ELP4: variants seen among roughly 807,000 people sequenced by gnomAD.
The protein encoded by ELP4 is elongator acetyltransferase complex subunit 4, also known as elongator complex protein 4.
ELP4 carries 51 observed loss-of-function variants against 48.9 expected under a neutral mutation model. That is an observed-to-expected ratio of 1.04 (90% CI 0.83 to 1.32). The LOEUF is 1.32. Among genes scored for constraint, ELP4 ranks in the 40% most tolerant of loss-of-function variants. The pLI is 0.00. For missense variants in ELP4, 519 were observed against 514.6 expected (o/e 1.01, Z -0.08); for synonymous variants, 210 against 189.2 (o/e 1.11, Z -0.90).
At chr11:31,673,080 G>A (rs1017289563) in intron 9 of ELP4, among the ~76,000 whole-genome samples, 8 of 150,650 alleles carry the variant, frequency 5.3e-5, no homozygotes, top group Non-Finnish European at 1.2e-4. Context: ...GCAGTGGCAC[G>A]ATCTCAGCTC....
intron 9 of ELP4, among the ~76,000 whole-genome samples, chr11:31,725,931 T>A (rs930910866): frequency 6.6e-6 from 1 of 152,222 alleles, no homozygotes; most frequent in African/African-American, 2.4e-5. Flanking sequence ...GTCAAGTTCT[T>A]GAGAAATTCT....
intron 1 of ELP4, chr11:31,511,346 A>G (rs1022862958): frequency 6.6e-6 from 1 of 152,176 alleles, no homozygotes; most frequent in African/African-American, 2.4e-5. Flanking sequence ...TCAATGGGAT[A>G]TGTAACTTCA....
At chr11:31,736,390 T>A (rs1017799937) in intron 9 of ELP4, among the ~76,000 whole-genome samples, 5 of 152,058 alleles carry the variant, frequency 3.3e-5, no homozygotes. Flanking sequence ...AAAACCTAGG[T>A]AATACCATTC....
Position 31,569,096 on chromosome 11 carries a change from TAAAA to T in ELP4, c.382-25669_382-25666del, listed in dbSNP as rs1203133098. Among the ~76,000 whole-genome samples, 62 of 144,024 alleles carry T rather than the reference TAAAA, an allele frequency of 4.3e-4. 1 individual carries two copies. The highest frequency in any genetic ancestry group is 6.6e-4 in the Non-Finnish European group (43 of 65,064). 94.5% of individuals were successfully genotyped at this position (144,024 alleles called of 152,430 possible). ...TGAGACCCCATCTCAAAAAAAAAAATAAAAAAAAGGAAAGAAAAAAAACCTAAAT... is the reference window on the plus strand; with the variant it reads ...TGAGACCCCATCTCAAAAAAAAAAATAAAAGGAAAGAAAAAAAACCTAAAT... On this transcript the variant is annotated intron_variant, in intron 3 of 9. Coordinates refer to ENST00000640961, the MANE Select transcript of ELP4 (RefSeq NM_019040.5).
At chr11:31,673,056 A>C (rs1592211102) in intron 9 of ELP4, among the ~76,000 whole-genome samples, 1 of 151,682 alleles carries the variant, frequency 6.6e-6, no homozygotes, top group African/African-American at 2.4e-5. Context: ...TCCCTCTGTC[A>C]CCCAGGCTGG....
Position 31,659,551 on chromosome 11 carries a change from A to G in ELP4, c.1143+9330A>G, listed in dbSNP as rs554929858. ...TTATTGAAAACTTGTTTCAAATATT[A>G]TTGCTCAATATAAATGATATTTGGA... is the stretch of plus-strand genomic sequence containing the variant. On this transcript the variant is annotated intron_variant, in intron 9 of 9. Transcript: ENST00000640961. 5.9e-5 allele frequency among the ~76,000 whole-genome samples: 9 copies of G among 152,270 alleles called. No homozygotes were observed. The East Asian group carries it at 1.4e-3, about 23-fold the overall frequency.
intron 9 of ELP4, among the ~76,000 whole-genome samples, chr11:31,699,827 G>T (rs1321067793): frequency 6.6e-6 from 1 of 152,094 alleles, no homozygotes; most frequent in Non-Finnish European, 1.5e-5. Flanking sequence ...TATCATGTTA[G>T]TGGTTTCCCT....
chr11:31,639,879 A>G (rs1945055364), intron 7 of ELP4, among the ~76,000 whole-genome samples: 1 of 151,978 alleles, frequency 6.6e-6, no homozygotes, highest in African/African-American at 2.4e-5. Flanking sequence ...TCATACTGTT[A>G]TTCATTCTGT....
intron 9 of ELP4, among the ~76,000 whole-genome samples, chr11:31,761,155 G>A (rs1037948536): frequency 3.3e-5 from 5 of 152,030 alleles, no homozygotes; most frequent in Non-Finnish European, 5.9e-5. Context: ...TCGGCAACAT[G>A]GCAAGACCCT....
intron 9 of ELP4, among the ~76,000 whole-genome samples, chr11:31,673,442 C>T (rs1945852671): frequency 6.6e-6 from 1 of 152,150 alleles, no homozygotes; most frequent in Admixed American, 6.6e-5. Flanking sequence ...CATGATTCTC[C>T]TGCCTCGTCC....
rs554737914 is a variant in ELP4 at position 31,642,347 on chromosome 11, A to G, written c.928-5394A>G. On this transcript the variant is annotated intron_variant, in intron 7 of 9. Coordinates refer to ENST00000640961, the MANE Select transcript of ELP4 (RefSeq NM_019040.5). ...CAATGTGTTCTTAAAAAAAGTCTCA[A>G]TTATAAAGAACCAATATTTTCATAT... 6.6e-5 allele frequency among the ~76,000 whole-genome samples: 10 copies of G among 152,042 alleles called. No individual in the cohort carries two copies. In the South Asian group the frequency reaches 1.4e-3, roughly 22 times the overall value.
At position 31,631,243 on chromosome 11, in the gene ELP4, A is replaced by G. The variant is rs368436168; in HGVS notation, c.739-974A>G. Among the ~76,000 whole-genome samples the G allele has an allele frequency of 2.0e-3, 305 of 152,296 alleles. 1 individual carries two copies. Among genetic ancestry groups the G allele is most frequent in the African/African-American group, 7.0e-3 (290 of 41,590 alleles). ...AATAACTAGTTGGTTAATAAATTTT[A>G]TCAGTGGTATTTTATAGCAATAGCA... On this transcript the variant is annotated intron_variant, in intron 6 of 9. Transcript: ENST00000640961.
intron 9 of ELP4, among the ~76,000 whole-genome samples, chr11:31,774,855 T>C (rs1214748768): frequency 6.6e-6 from 1 of 152,206 alleles, no homozygotes; most frequent in Non-Finnish European, 1.5e-5. Flanking sequence ...ACACGGTGGC[T>C]TAAGTAATGT....
intron 5 of ELP4, among the ~76,000 whole-genome samples, chr11:31,626,349 A>C (rs570546301): frequency 6.6e-6 from 1 of 151,854 alleles, no homozygotes; most frequent in African/African-American, 2.4e-5. Flanking sequence ...TGCTATGCTC[A>C]TGACATTATC....
chr11:31,604,965 G>A (rs1051813597), intron 5 of ELP4, among the ~76,000 whole-genome samples: 3 of 151,872 alleles, frequency 2.0e-5, no homozygotes, highest in African/African-American at 7.2e-5. Context: ...ACCCTATACA[G>A]GGTTATGTAG....
intron 1 of ELP4, among the ~76,000 whole-genome samples, chr11:31,519,133 G>T (rs183006673): frequency 4.3e-4 from 66 of 152,128 alleles, no homozygotes; most frequent in Admixed American, 1.0e-3. Flanking sequence ...ATATTTAAAA[G>T]AACACTAGTC....
intron 9 of ELP4, among the ~76,000 whole-genome samples, chr11:31,656,638 G>A (rs577689299): frequency 3.3e-5 from 5 of 151,994 alleles, no homozygotes; most frequent in East Asian, 1.9e-4. Flanking sequence ...AAAGTTGCAC[G>A]AAGCAAAGTC....
At chr11:31,632,099 T>G in intron 6 of ELP4, 118 bp from the exon 7 acceptor site, 1 of 739,466 alleles carries the variant, frequency 1.4e-6, no homozygotes. Context: ...TAAAAATTTT[T>G]AACACATCTA....
chr11:31,598,818 T>G (rs1957726808), intron 4 of ELP4: 1 of 152,114 alleles, frequency 6.6e-6, no homozygotes, highest in Admixed American at 6.6e-5. Context: ...GCCCTGGTGC[T>G]CAGTTTTCAA....
Sources: allele counts gnomAD v4.1 joint callset (sites outside exome capture counted in the v4.1 genomes callset), GRCh38; gene constraint gnomAD v4.1.1; transcripts MANE v1.5; gene names NCBI Gene and HGNC (gene_info 2026-07-23, HGNC 2026-07-21).